The following ATAD2 variants were observed in gnomAD, a reference collection of about 807,000 sequenced individuals.
ATAD2 encodes the protein ATPase family AAA domain-containing protein 2.
In ATAD2, 62 loss-of-function variants were observed where a neutral mutation model predicts 168.9. That is an observed-to-expected ratio of 0.37 (90% CI 0.30 to 0.45). The LOEUF is 0.45. ATAD2 is among the 20% of genes least tolerant of loss of function. The pLI, the probability that ATAD2 is intolerant of heterozygous loss-of-function variation, is 1.00. For missense variants in ATAD2, 1,419 were observed against 1,667.8 expected, an observed-to-expected ratio of 0.85 and a Z score of 2.60; for synonymous variants, 613 against 571.6, an observed-to-expected ratio of 1.07 and a Z score of -1.03.
At chr8:123,386,913 CAAA>C (rs34555745) in intron 1 of ATAD2, among the ~76,000 whole-genome samples, 2 of 90,478 alleles carry the variant, frequency 2.2e-5, no homozygotes, top group Non-Finnish European at 2.4e-5. Flanking sequence ...ACAATGTGGG[CAAA>C]AAAAAAAAAA....
chr8:123,399,644 C>T (rs1451758714), upstream of ATAD2, among the ~76,000 whole-genome samples: 2 of 149,956 alleles, frequency 1.3e-5, no homozygotes, highest in Non-Finnish European at 3.0e-5. Flanking sequence ...CACCTGAGGT[C>T]GGGAGTTCTA....
At chr8:123,401,962 T>C (rs1813009090) in intron 1 of ATAD2, 1 of 923,796 alleles carries the variant, frequency 1.1e-6, no homozygotes, top group Admixed American at 1.7e-5. Context: ...GCATCCAGCA[T>C]GGCTGCCAGG....
In ATAD2 at chr8:123,321,076, T is replaced by C. The variant is rs984562606; in HGVS notation, c.*58A>G. ...TCATACTACATCAATTAGGCGGACA[T>C]GACAAAAATGACTTAAATAGGAACT... On this transcript the variant is annotated 3_prime_UTR_variant, in exon 28 of 28. Transcript: ENST00000287394. 7.4e-6 allele frequency: 11 copies of C among 1,481,232 alleles called. No homozygotes were observed. In the African/African-American group the frequency reaches 1.3e-4, roughly 17 times the overall value. 91.8% of individuals were successfully genotyped at this position (1,481,232 alleles called of 1,614,324 possible).
rs780023677 is a variant in ATAD2, at chr8:123,359,326, T to C, written c.1277A>G (p.Asp426Gly). The change falls in exon 11 of 28, where the codon GAT becomes GGT. Residue 426 changes from aspartate to glycine, a missense_variant. Asp to Gly is a moderately conservative substitution (Grantham distance 94). Coordinates refer to ENST00000287394, the MANE Select transcript of ATAD2 (RefSeq NM_014109.4). ...ATGATTAGACAGGCCACCAACACTA[T>C]CAAATCGTACCTGGTAATGGAAGCG... ...PMQLDSSVRF[D>G]SVGGLSNHIA... The C allele has an allele frequency of 6.2e-7, 1 of 1,603,164 alleles. No individual in the cohort carries two copies. Among genetic ancestry groups the C allele is most frequent in the South Asian group, 1.1e-5 (1 of 88,686 alleles).
chr8:123,359,210 A>AAT lies in ATAD2; in HGVS notation c.1382+9_1382+10dup. ...GATTTTCAGCTAAAATTAAAAATAT[A>AAT]ATTAAATTACCTTGGGGGTTGAATT... On this transcript the variant is annotated intron_variant, in intron 11 of 27. Coordinates refer to ENST00000287394, the MANE Select transcript of ATAD2 (RefSeq NM_014109.4). 1 of 1,531,132 alleles carries AAT rather than the reference A, an allele frequency of 6.5e-7. No individual in the cohort carries two copies. Among genetic ancestry groups the AAT allele is most frequent in the Non-Finnish European group, 8.9e-7 (1 of 1,123,840 alleles). 94.8% of individuals were successfully genotyped at this position (1,531,132 alleles called of 1,614,324 possible).
chr8:123,387,801 T>C (rs1005596649), intron 1 of ATAD2, among the ~76,000 whole-genome samples: 3 of 152,050 alleles, frequency 2.0e-5, no homozygotes, highest in Admixed American at 6.6e-5. Context: ...AATAAAAATA[T>C]TCTATGTTAT....
Position 123,396,401 on chromosome 8 carries a change from CCAGCTCCAGGCGCTCG to C in ATAD2, c.-60_-45del, listed in dbSNP as rs1563868744. On this transcript the variant is annotated 5_prime_UTR_variant, in exon 1 of 28. Coordinates refer to ENST00000287394, the MANE Select transcript of ATAD2 (RefSeq NM_014109.4). ...TCGGCGTGCGCGACCGGAGAGAGATCCAGCTCCAGGCGCTCGCAGCTCTGGCTCTTCCGCGCTCCGA... is the reference window on the plus strand; with the variant it reads ...TCGGCGTGCGCGACCGGAGAGAGATCCAGCTCTGGCTCTTCCGCGCTCCGA... 18 of 1,505,028 alleles carry C rather than the reference CCAGCTCCAGGCGCTCG, an allele frequency of 1.2e-5. No individual in the cohort carries two copies. Among genetic ancestry groups the C allele is most frequent in the Admixed American group, 4.2e-5 (2 of 47,714 alleles). 93.2% of individuals were successfully genotyped at this position (1,505,028 alleles called of 1,614,324 possible).
intron 1 of ATAD2, among the ~76,000 whole-genome samples, chr8:123,393,566 A>AAT (rs925170793): frequency 1.1e-4 from 16 of 151,810 alleles, no homozygotes; most frequent in African/African-American, 2.7e-4. Context: ...GGTGGGGCAT[A>AAT]ATATATATAT....
At chr8:123,404,168 T>G (rs973240331) in intron 1 of ATAD2, among the ~76,000 whole-genome samples, 4 of 152,198 alleles carry the variant, frequency 2.6e-5, no homozygotes, top group African/African-American at 7.2e-5. Context: ...CTCCTTCATA[T>G]GCCCGTTTCC....
chr8:123,413,884 C>CA (rs1167065463), intron 1 of ATAD2, among the ~76,000 whole-genome samples: 1 of 151,874 alleles, frequency 6.6e-6, no homozygotes. Context: ...ATAAGACACT[C>CA]AGTGACAAGA....
At chr8:123,396,490 AGAATCCCTCCG>A, upstream of ATAD2, 1 of 940,430 alleles carries the variant, frequency 1.1e-6, no homozygotes, top group South Asian at 1.8e-5. Flanking sequence ...GCGCGCGCCC[AGAATCCCTCCG>A]CCGTCTGTCC....
chr8:123,359,062 T>C (rs749940966), intron 11 of ATAD2, among the ~76,000 whole-genome samples, 159 bp downstream of exon 11: 2 of 152,084 alleles, frequency 1.3e-5, no homozygotes, highest in Non-Finnish European at 2.9e-5. Context: ...TTTATTTAAA[T>C]TACTGCTTCT....
intron 19 of ATAD2, among the ~76,000 whole-genome samples, chr8:123,341,089 CACA>C (rs1828048388): frequency 6.6e-6 from 1 of 152,002 alleles, no homozygotes; most frequent in Non-Finnish European, 1.5e-5. Context: ...ACTATAGGTG[CACA>C]CCACCATGCT....
intron 1 of ATAD2, among the ~76,000 whole-genome samples, chr8:123,404,173 G>A (rs146891526): frequency 5.2e-4 from 79 of 152,218 alleles, no homozygotes; most frequent in African/African-American, 1.2e-3. Flanking sequence ...TCATATGCCC[G>A]TTTCCTAGCC....
chr8:123,396,170 C>A lies in ATAD2; in HGVS notation c.171+17G>T, dbSNP rs1391325510. The A allele has an allele frequency of 9.0e-6, 14 of 1,553,302 alleles. No homozygotes were observed. The highest frequency in any genetic ancestry group is 1.2e-5 in the Non-Finnish European group (14 of 1,156,258). On this transcript the variant is annotated intron_variant, in intron 1 of 27. Coordinates refer to ENST00000287394, the MANE Select transcript of ATAD2 (RefSeq NM_014109.4). ...CCCGGGAACCGCCCTGGGAGCCCGC[C>A]TCAGGCCCGTACTCACGCCCGCTTT...
At position 123,358,203 on chromosome 8, in the gene ATAD2, G is replaced by C. The variant is rs1023373839; in HGVS notation, c.1383-467C>G. 5.3e-5 allele frequency among the ~76,000 whole-genome samples: 8 copies of C among 152,122 alleles called. No individual in the cohort carries two copies. In the South Asian group the frequency reaches 1.7e-3, roughly 32 times the overall value. On this transcript the variant is annotated intron_variant, in intron 11 of 27. Transcript: ENST00000287394. ...AATAACTTTCTGACTTATTTTTAAA[G>C]ATGGGGTCTCACTGTCAGCTAGGCT... is the stretch of plus-strand genomic sequence containing the variant.
intron 4 of ATAD2, 58 bp downstream of exon 4, chr8:123,371,612 T>C: frequency 6.8e-7 from 1 of 1,461,752 alleles, no homozygotes; most frequent in Admixed American, 2.2e-5. Flanking sequence ...CCATGATTCC[T>C]CCCCAACAAA....
chr8:123,328,951 G>A (rs946085273), intron 24 of ATAD2, among the ~76,000 whole-genome samples: 5 of 151,766 alleles, frequency 3.3e-5, no homozygotes, highest in Admixed American at 6.6e-5. Flanking sequence ...ACAGGCACCC[G>A]CCACCACGCC....
upstream of ATAD2, chr8:123,400,720 G>T: frequency 1.3e-6 from 1 of 754,962 alleles, no homozygotes. The surrounding 1 kb of genome is among the most constrained non-coding windows in gnomAD (Gnocchi z 4.5). Context: ...AGCTGATGAG[G>T]CGGACCTCAC....
Sources: allele counts gnomAD v4.1 joint callset (sites outside exome capture counted in the v4.1 genomes callset), GRCh38; gene constraint gnomAD v4.1.1; non-coding constraint Gnocchi (gnomAD v3.1); transcripts MANE v1.5; gene names NCBI Gene and HGNC (gene_info 2026-07-23, HGNC 2026-07-21).